Variants in APP observed in about 807,000 individuals in gnomAD.
APP encodes the protein amyloid-beta precursor protein.
Under a neutral mutation model 101.4 loss-of-function variants are expected in APP, and 31 were observed. The observed-to-expected ratio is 0.31, with a 90% CI of 0.23 to 0.41. The LOEUF (loss-of-function observed/expected upper bound fraction) is 0.41. APP is among the 10% of genes least tolerant of loss of function. APP has a pLI of 1.00. For synonymous variants in APP, 366 were observed against 364.4 expected, an observed-to-expected ratio of 1.00 and a Z score of -0.05; for missense variants, 839 against 1,003.7, an observed-to-expected ratio of 0.84 and a Z score of 2.22.
At chr21:26,125,365 G>C (rs2062660624) in intron 1 of APP, among the ~76,000 whole-genome samples, 1 of 152,130 alleles carries the variant, frequency 6.6e-6, no homozygotes, top group South Asian at 2.1e-4. Flanking sequence ...AGTCAGGCTG[G>C]ATTCATTATT....
At chr21:26,123,389 T>C (rs543177271) in intron 1 of APP, among the ~76,000 whole-genome samples, 3 of 152,358 alleles carry the variant, frequency 2.0e-5, no homozygotes, top group South Asian at 2.1e-4. Flanking sequence ...TTCTTGTTCA[T>C]TGTTCAAATT....
chr21:26,144,161 T>C (rs1046166558), intron 1 of APP, among the ~76,000 whole-genome samples: 4 of 152,174 alleles, frequency 2.6e-5, no homozygotes, highest in African/African-American at 9.7e-5. Flanking sequence ...TAACTCACTA[T>C]TACCAGAACA....
chr21:26,010,228 AC>A (rs1233299659), intron 6 of APP, among the ~76,000 whole-genome samples: 6 of 151,858 alleles, frequency 4.0e-5, no homozygotes, highest in East Asian at 3.9e-4. Flanking sequence ...AAAAAAAAAA[AC>A]AAAACAAAAC....
At chr21:25,928,357 A>ACAAACAAACAAT (rs1255505017) in intron 13 of APP, among the ~76,000 whole-genome samples, 1 of 151,428 alleles carries the variant, frequency 6.6e-6, no homozygotes, top group East Asian at 1.9e-4. Context: ...AAACAAACAA[A>ACAAACAAACAAT]CAAACAAACA....
At chr21:25,888,778 A>AG (rs2037505984) in intron 17 of APP, among the ~76,000 whole-genome samples, 1 of 151,994 alleles carries the variant, frequency 6.6e-6, no homozygotes, top group Non-Finnish European at 1.5e-5. Context: ...TGACTAAAAA[A>AG]AGAGCGTTTT....
intron 9 of APP, among the ~76,000 whole-genome samples, chr21:25,978,588 G>C (rs970613159): frequency 6.6e-6 from 1 of 152,086 alleles, no homozygotes; most frequent in African/African-American, 2.4e-5. Flanking sequence ...AAATTCATTA[G>C]GTGAGCTAAG....
At chr21:25,982,745 C>A (rs189241804) in intron 8 of APP, among the ~76,000 whole-genome samples, 5 of 152,220 alleles carry the variant, frequency 3.3e-5, no homozygotes, top group East Asian at 3.9e-4. Flanking sequence ...GAGTTCTTTA[C>A]GAAACAAGCA....
chr21:26,050,191 C>A lies in APP; in HGVS notation c.662+809G>T, dbSNP rs530840268. The stretch of plus-strand genomic sequence containing the variant: ...CTGTAGTTTGCCGATTATAAACTTA[C>A]AACTCCTATTGAATGTGCTGTTTGG... On this transcript the variant is annotated intron_variant, in intron 5 of 17. Transcript: ENST00000346798. Among the ~76,000 whole-genome samples, 6 of 152,210 alleles carry A rather than the reference C, an allele frequency of 3.9e-5. No homozygotes were observed. In the East Asian group the frequency reaches 9.7e-4, roughly 25 times the overall value.
intron 3 of APP, among the ~76,000 whole-genome samples, chr21:26,065,307 C>CA (rs935681427): frequency 1.2e-4 from 18 of 151,050 alleles, no homozygotes; most frequent in African/African-American, 4.4e-4. Flanking sequence ...TTCTAGCCTT[C>CA]AAAAAAAAGT....
In APP at chr21:26,112,141, G is replaced by T. The variant is rs765279960; in HGVS notation, c.63C>A (p.Pro21=). The change falls in exon 2 of 18, where the codon CCC becomes CCA. Residue 21 remains proline, a synonymous_variant. Coordinates refer to ENST00000346798, the MANE Select transcript of APP (RefSeq NM_000484.4). ...CCAGCAGGCCAGCATTACCATCAGT[G>T]GGTACCTGAAAGAAGAAGCTTCAGT... ...AAWTARALEV[P]TDGNAGLLAE... 17 of 1,613,756 alleles carry T rather than the reference G, an allele frequency of 1.1e-5. No homozygotes were observed. In the African/African-American group the frequency reaches 1.9e-4, roughly 18 times the overall value.
chr21:26,170,596 G>A lies in APP; in HGVS notation c.25C>T (p.Leu9=), dbSNP rs979288552. The change falls in exon 1 of 18, where the codon CTG becomes TTG. Residue 9 remains leucine (L), a synonymous_variant. Coordinates refer to ENST00000346798, the MANE Select transcript of APP (RefSeq NM_000484.4). ...GCCCGAGCCGTCCAGGCGGCCAGCAGGAGCAGTGCCAAACCGGGCAGCATC... is the reference window on the plus strand; with the variant it reads ...GCCCGAGCCGTCCAGGCGGCCAGCAAGAGCAGTGCCAAACCGGGCAGCATC... The part of the protein sequence containing the change: MLPGLALL[L]LAAWTARALE... 1 of 1,538,952 alleles carries A rather than the reference G, an allele frequency of 6.5e-7. No homozygotes were observed. Among genetic ancestry groups the A allele is most frequent in the Admixed American group, 2.0e-5 (1 of 51,172 alleles).
chr21:26,130,683 C>T (rs144927173), intron 1 of APP, among the ~76,000 whole-genome samples: 2 of 152,352 alleles, frequency 1.3e-5, no homozygotes, highest in African/African-American at 2.4e-5. Context: ...TTTGGCTAAG[C>T]TTACGCTAAG....
At chr21:25,903,182 C>G (rs528040347) in intron 15 of APP, among the ~76,000 whole-genome samples, 4 of 151,814 alleles carry the variant, frequency 2.6e-5, no homozygotes, top group Non-Finnish European at 5.9e-5. Flanking sequence ...GCCTGGCCAA[C>G]ATGGTGAAAT....
chr21:25,918,638 G>A (rs1453336484), intron 13 of APP, among the ~76,000 whole-genome samples: 1 of 151,854 alleles, frequency 6.6e-6, no homozygotes, highest in African/African-American at 2.4e-5. Context: ...CTGGAAAATC[G>A]GGTCACTCCC....
intron 11 of APP, among the ~76,000 whole-genome samples, chr21:25,967,769 T>C (rs928912179): frequency 5.3e-5 from 8 of 152,162 alleles, no homozygotes; most frequent in African/African-American, 1.9e-4. Flanking sequence ...AAGCTATGAA[T>C]AGTTTGAGTA....
upstream of APP, chr21:26,170,979 G>T: frequency 5.0e-6 from 1 of 198,404 alleles, no homozygotes; most frequent in African/African-American, 2.3e-5. Flanking sequence ...CCGGCCGACG[G>T]CCCACCTGGG....
intron 9 of APP, among the ~76,000 whole-genome samples, chr21:25,979,331 CT>C (rs2042338376): frequency 6.6e-6 from 1 of 152,166 alleles, no homozygotes; most frequent in East Asian, 1.9e-4. Context: ...TCTATGGATT[CT>C]TATAAAGCAA....
chr21:26,170,037 G>A (rs1160946347), intron 1 of APP, among the ~76,000 whole-genome samples: 1 of 152,182 alleles, frequency 6.6e-6, no homozygotes, highest in Non-Finnish European at 1.5e-5. Flanking sequence ...AGAGAGGAAG[G>A]TGAAACGAGG....
chr21:25,978,809 C>T (rs999788788), intron 9 of APP, among the ~76,000 whole-genome samples: 5 of 152,054 alleles, frequency 3.3e-5, no homozygotes, highest in Middle Eastern at 3.4e-3. Context: ...AAAATTAGCT[C>T]GGCGTGGTGG....
Sources: gnomAD v4.1 joint callset for allele counts (sites outside exome capture counted in the v4.1 genomes callset) on GRCh38, gnomAD v4.1.1 for gene constraint, MANE v1.5 for transcripts, NCBI Gene and HGNC (gene_info 2026-07-23, HGNC 2026-07-21) for gene names.